The following CRISPLD2 variants were observed in gnomAD, a reference collection of about 807,000 sequenced individuals.
CRISPLD2 encodes the protein cysteine rich secretory protein LCCL domain containing 2.
Under a neutral mutation model 71.1 loss-of-function variants are expected in CRISPLD2, and 47 were observed. The observed-to-expected ratio is 0.66, with a 90% confidence interval of 0.52 to 0.84. CRISPLD2 has a LOEUF of 0.84. Ranked by LOEUF, CRISPLD2 falls within the 40% of genes least tolerant of loss-of-function variation. CRISPLD2 has a pLI of 0.00. For synonymous variants in CRISPLD2, 317 were observed against 250.1 expected (o/e 1.27, Z -2.52); for missense variants, 830 against 651.1 (o/e 1.27, Z -2.99).
At chr16:84,872,925 A>G in intron 9 of CRISPLD2, 67 bp from the exon 10 acceptor site, 3 of 1,541,706 alleles carry the variant, frequency 1.9e-6, no homozygotes, top group Non-Finnish European at 2.6e-6. Flanking sequence ...ATGTTTGGGT[A>G]TTTCTGGTGA....
intron 8 of CRISPLD2, 66 bp from the exon 9 acceptor site, chr16:84,872,376 T>G: frequency 7.6e-7 from 1 of 1,307,476 alleles, no homozygotes; most frequent in Non-Finnish European, 1.1e-6. Flanking sequence ...AAAAAAATGA[T>G]AAACTCATTG....
intron 13 of CRISPLD2, among the ~76,000 whole-genome samples, chr16:84,884,501 A>G (rs1486504501): frequency 1.3e-5 from 2 of 152,230 alleles, no homozygotes; most frequent in African/African-American, 4.8e-5. Context: ...CGCTGGATGC[A>G]GGATTGGTTA....
rs369831136 is a variant in CRISPLD2, at chr16:84,867,054, G to A, written c.853+14G>A. ...TCAACTACATGAGTGAGTCTAGGCC[G>A]TCCTCCGCCCCTCCTGCCCTCCCAG... On this transcript the variant is annotated intron_variant, in intron 7 of 14. Coordinates refer to ENST00000262424, the MANE Select transcript of CRISPLD2 (RefSeq NM_031476.4). 931 of 1,608,708 alleles carry A rather than the reference G, an allele frequency of 5.8e-4. 1 individual carries two copies. The highest frequency in any genetic ancestry group is 7.1e-4 in the Non-Finnish European group (829 of 1,175,728).
chr16:84,869,355 C>G (rs573967839), intron 8 of CRISPLD2, among the ~76,000 whole-genome samples: 2 of 152,214 alleles, frequency 1.3e-5, no homozygotes, highest in African/African-American at 4.8e-5. Context: ...AATGGGAAAA[C>G]CATGTCATTG....
chr16:84,866,807 G>A (rs951322750), intron 6 of CRISPLD2, 90 bp from the exon 7 acceptor site: 15 of 1,270,756 alleles, frequency 1.2e-5, no homozygotes, highest in South Asian at 5.1e-5. Context: ...CCTCAAACAC[G>A]TTTAGTTTTC....
At chr16:84,866,114 G>T (rs553702092) in intron 6 of CRISPLD2, among the ~76,000 whole-genome samples, 17 of 152,240 alleles carry the variant, frequency 1.1e-4, no homozygotes, top group African/African-American at 3.4e-4. Context: ...ACTGAGGCTG[G>T]CCTTGTGCAC....
chr16:84,831,162 A>G (rs1440438740), intron 1 of CRISPLD2, among the ~76,000 whole-genome samples: 3 of 152,180 alleles, frequency 2.0e-5, no homozygotes, highest in Non-Finnish European at 4.4e-5. Context: ...AGACGCAGCC[A>G]TGGAAGAGGA....
chr16:84,829,854 A>G (rs1916443713), intron 1 of CRISPLD2, among the ~76,000 whole-genome samples: 1 of 152,236 alleles, frequency 6.6e-6, no homozygotes, highest in Admixed American at 6.5e-5. Flanking sequence ...TGTTCAGTGC[A>G]GGAGTAGAGG....
At chr16:84,829,060 C>G (rs2101750) in intron 1 of CRISPLD2, 18,228 of 151,474 alleles carry the variant, frequency 0.12, 1,314 homozygotes, top group Admixed American at 0.24. Flanking sequence ...GGGGACAGAA[C>G]AAGACTCCGT....
At chr16:84,826,379 G>T (rs1220388224) in intron 1 of CRISPLD2, among the ~76,000 whole-genome samples, 2 of 152,238 alleles carry the variant, frequency 1.3e-5, no homozygotes, top group South Asian at 2.1e-4. Context: ...ATGCTCCAGG[G>T]CCTGAGTCAG....
chr16:84,842,444 G>A (rs1237211273), intron 2 of CRISPLD2, among the ~76,000 whole-genome samples: 1 of 147,214 alleles, frequency 6.8e-6, no homozygotes, highest in African/African-American at 2.5e-5. Flanking sequence ...GTGCTATCTC[G>A]GCTCACTGCA....
In CRISPLD2 at chr16:84,872,854, G is replaced by A. The variant is rs543357038; in HGVS notation, c.982-138G>A. On this transcript the variant is annotated intron_variant, in intron 9 of 14. Transcript: ENST00000262424. ...CAAATATGTGGTTACAGACAGAGGC[G>A]AGAGGCAGGAGCAGAGTGAGCTTTG... 2.3e-5 allele frequency: 25 copies of A among 1,088,462 alleles called. No homozygotes were observed. The African/African-American group carries it at 3.0e-4, about 13-fold the overall frequency. 67.4% of individuals were successfully genotyped at this position (1,088,462 alleles called of 1,614,324 possible). A position where few individuals can be genotyped will look rare whatever the true frequency, so the allele number is the denominator to read the frequency against.
rs558521405 is a variant in CRISPLD2, at chr16:84,908,762, C to G, written c.*2120C>G. The G allele has an allele frequency of 1.5e-4, 21 of 144,346 alleles. No homozygotes were observed. Among genetic ancestry groups the G allele is most frequent in the Admixed American group, 1.2e-3 (17 of 13,714 alleles). 8.9% of individuals were successfully genotyped at this position (144,346 alleles called of 1,614,324 possible). The stretch of plus-strand genomic sequence containing the variant: ...AGAGTGCAGTGGCGTGATCTCTGCT[C>G]ATTGCAACTGCCGCCTCCCGGGTTC... On this transcript the variant is annotated 3_prime_UTR_variant, in exon 15 of 15. Coordinates refer to ENST00000262424, the MANE Select transcript of CRISPLD2 (RefSeq NM_031476.4).
At chr16:84,862,628 G>C (rs1268781994) in intron 6 of CRISPLD2, among the ~76,000 whole-genome samples, 1 of 150,496 alleles carries the variant, frequency 6.6e-6, no homozygotes, top group Non-Finnish European at 1.5e-5. Context: ...TCCCCGATGG[G>C]GCATGGCTGG....
chr16:84,838,440 T>C lies in CRISPLD2; in HGVS notation c.-56T>C. The C allele has an allele frequency of 6.3e-7, 1 of 1,582,308 alleles. No individual in the cohort carries two copies. The highest frequency in any genetic ancestry group is 1.2e-5 in the South Asian group (1 of 85,718). ...CTTTCAGAGCTCAAGCGCCCAGCTC[T>C]GCCCGAGGAGCCCAGGCTGCCCCGT... On this transcript the variant is annotated 5_prime_UTR_variant, in exon 2 of 15. Coordinates refer to ENST00000262424, the MANE Select transcript of CRISPLD2 (RefSeq NM_031476.4).
chr16:84,845,985 G>A (rs1416024994), intron 3 of CRISPLD2, 81 bp downstream of exon 3: 46 of 859,860 alleles, frequency 5.3e-5, no homozygotes, highest in Non-Finnish European at 8.2e-5. Context: ...CCCTTATCAA[G>A]TTTAGCCTGC....
chr16:84,867,016 A>G lies in CRISPLD2; in HGVS notation c.829A>G (p.Lys277Glu), dbSNP rs538277834. 1 of 1,614,076 alleles carries G rather than the reference A, an allele frequency of 6.2e-7. No individual in the cohort carries two copies. The highest frequency in any genetic ancestry group is 1.1e-5 in the South Asian group (1 of 91,064). Residue 277 changes from lysine to glutamate, a missense_variant, in exon 7 of 15, where the codon AAA (lysine) becomes GAA (glutamate). Lys to Glu is a moderately conservative substitution (Grantham distance 56, BLOSUM62 1). Transcript: ENST00000262424. ...PRVMRPTKPK[K>E]TSAVNYMTQV... is the part of the protein sequence containing the mutation. ...GGTGATGAGACCCACCAAGCCCAAG[A>G]AAACCTCTGCGGTCAACTACATGAG... is the stretch of plus-strand genomic sequence containing the variant.
At chr16:84,891,501 C>G (rs1020822867) in intron 14 of CRISPLD2, among the ~76,000 whole-genome samples, 3 of 152,136 alleles carry the variant, frequency 2.0e-5, no homozygotes, top group African/African-American at 4.8e-5. Context: ...TTGGGAAAAG[C>G]TTAATGAAGG....
intron 11 of CRISPLD2, among the ~76,000 whole-genome samples, chr16:84,876,356 T>G (rs2934482): frequency 0.82 from 124,258 of 151,746 alleles, 51,639 homozygotes; most frequent in East Asian, 0.97. Context: ...ACAAAAATTA[T>G]CCAGGTGTGG....
Sources: allele counts gnomAD v4.1 joint callset (sites outside exome capture counted in the v4.1 genomes callset), GRCh38; gene constraint gnomAD v4.1.1; transcripts MANE v1.5; gene names NCBI Gene and HGNC (gene_info 2026-07-23, HGNC 2026-07-21).